Variants in ROBO1 observed in about 807,000 individuals in gnomAD.
The protein encoded by ROBO1 is roundabout homolog 1.
ROBO1 carries 149 observed loss-of-function variants against 195.9 expected under a neutral mutation model. That is an observed-to-expected ratio of 0.76 (90% confidence interval 0.67 to 0.87). The LOEUF is 0.87. Ranked by LOEUF, ROBO1 falls within the 40% of genes least tolerant of loss-of-function variation. ROBO1 has a pLI of 0.00. For synonymous variants in ROBO1, 816 were observed against 733.2 expected (o/e 1.11, Z -1.82); for missense variants, 1,933 against 2,068.3 (o/e 0.93, Z 1.27).
rs540329633 is a variant in ROBO1 at position 79,135,361 on chromosome 3, G to A, written c.89-9822C>T. On this transcript the variant is annotated intron_variant, in intron 2 of 30. Coordinates refer to ENST00000464233, the MANE Select transcript of ROBO1 (RefSeq NM_002941.4). ...GTAATCAAACTTACTATCACCAATA[G>A]CAGGCAACTAAGAGTGAGAAGTCCA... Among the ~76,000 whole-genome samples, 40 of 152,140 alleles carry A rather than the reference G, an allele frequency of 2.6e-4. No homozygotes were observed. The South Asian group carries it at 8.1e-3, about 31-fold the overall frequency.
intron 3 of ROBO1, among the ~76,000 whole-genome samples, chr3:78,944,720 C>T (rs1385356491): frequency 6.6e-6 from 1 of 152,220 alleles, no homozygotes. Flanking sequence ...GAGGCATTGC[C>T]TAACCCAGGA....
intron 2 of ROBO1, among the ~76,000 whole-genome samples, chr3:79,522,234 A>C (rs1288210152): frequency 6.6e-6 from 1 of 152,170 alleles, no homozygotes; most frequent in Non-Finnish European, 1.5e-5. Flanking sequence ...ATTGCCTTCA[A>C]GACCCTTTGC....
At chr3:78,991,581 C>T (rs1388443500) in intron 3 of ROBO1, among the ~76,000 whole-genome samples, 1 of 152,214 alleles carries the variant, frequency 6.6e-6, no homozygotes, top group Non-Finnish European at 1.5e-5. Context: ...TGGTATAATG[C>T]TCACTATTTG....
chr3:79,512,977 C>G (rs1940782977), intron 2 of ROBO1: 1 of 152,130 alleles, frequency 6.6e-6, no homozygotes, highest in African/African-American at 2.4e-5. Context: ...CACAATGAAT[C>G]AATCCTAACC....
At chr3:78,745,341 CTTATA>C (rs2082632436) in intron 5 of ROBO1, among the ~76,000 whole-genome samples, 1 of 147,786 alleles carries the variant, frequency 6.8e-6, no homozygotes, top group Admixed American at 6.7e-5. Flanking sequence ...TTGTCACTAA[CTTATA>C]TTAAACATGA....
At chr3:79,599,958 T>C (rs748055624) in intron 1 of ROBO1, among the ~76,000 whole-genome samples, 7 of 152,136 alleles carry the variant, frequency 4.6e-5, no homozygotes, top group Non-Finnish European at 8.8e-5. Context: ...GCATTTTTTT[T>C]CAAAATGAAT....
intron 1 of ROBO1, among the ~76,000 whole-genome samples, chr3:79,645,781 C>T (rs572745693): frequency 7.9e-5 from 12 of 152,094 alleles, no homozygotes; most frequent in South Asian, 2.1e-4. Context: ...GACAGACAGA[C>T]CAAGAAAACA....
chr3:79,549,778 G>C (rs1330661402), intron 2 of ROBO1, among the ~76,000 whole-genome samples: 1 of 151,900 alleles, frequency 6.6e-6, no homozygotes, highest in Non-Finnish European at 1.5e-5. Context: ...TGCAGAAAAA[G>C]AGGGTAGCCC....
At chr3:79,135,286 A>G (rs1003455995) in intron 2 of ROBO1, among the ~76,000 whole-genome samples, 7 of 152,200 alleles carry the variant, frequency 4.6e-5, no homozygotes, top group Non-Finnish European at 1.0e-4. Flanking sequence ...CTTGGAAGTA[A>G]AAAATACACT....
At chr3:79,007,192 T>C (rs1481937281) in intron 3 of ROBO1, among the ~76,000 whole-genome samples, 1 of 152,194 alleles carries the variant, frequency 6.6e-6, no homozygotes, top group African/African-American at 2.4e-5. Context: ...AATAACTCTC[T>C]TCAAATACTG....
chr3:79,007,755 T>C (rs562994871), intron 3 of ROBO1, among the ~76,000 whole-genome samples: 1 of 152,332 alleles, frequency 6.6e-6, no homozygotes, highest in East Asian at 1.9e-4. Flanking sequence ...CATTATTTTT[T>C]ATGGTCTAAA....
At chr3:79,694,046 T>G (rs146768329) in intron 1 of ROBO1, among the ~76,000 whole-genome samples, 2 of 151,792 alleles carry the variant, frequency 1.3e-5, no homozygotes, top group Admixed American at 1.3e-4. Context: ...GGCCTAATAC[T>G]GGATTCTGAA....
intron 1 of ROBO1, among the ~76,000 whole-genome samples, chr3:79,608,811 T>C (rs1036180915): frequency 1.3e-5 from 2 of 151,978 alleles, no homozygotes; most frequent in Admixed American, 6.6e-5. Context: ...GTGATAGATT[T>C]TGCTGTGGTT....
At chr3:79,244,572 T>C (rs1265597301) in intron 2 of ROBO1, among the ~76,000 whole-genome samples, 1 of 152,142 alleles carries the variant, frequency 6.6e-6, no homozygotes, top group African/African-American at 2.4e-5. Context: ...AATGTGTTTT[T>C]GATAAGAAAT....
chr3:79,615,752 A>G (rs961940851), intron 1 of ROBO1, among the ~76,000 whole-genome samples: 3 of 152,196 alleles, frequency 2.0e-5, no homozygotes, highest in Non-Finnish European at 2.9e-5. Context: ...AGACTCATAC[A>G]TATATAATCA....
At chr3:79,109,427 A>G (rs1322890039) in intron 3 of ROBO1, among the ~76,000 whole-genome samples, 1 of 152,022 alleles carries the variant, frequency 6.6e-6, no homozygotes, top group Non-Finnish European at 1.5e-5. Flanking sequence ...CATACCACAT[A>G]AATGAAGCAT....
intron 4 of ROBO1, among the ~76,000 whole-genome samples, chr3:78,930,218 G>A (rs2039436058): frequency 6.6e-6 from 1 of 152,170 alleles, no homozygotes; most frequent in Non-Finnish European, 1.5e-5. Context: ...GCACTATGAT[G>A]CTTATGATGT....
chr3:79,632,376 T>C (rs1945371198), intron 1 of ROBO1, among the ~76,000 whole-genome samples: 1 of 151,998 alleles, frequency 6.6e-6, no homozygotes, highest in Non-Finnish European at 1.5e-5. Flanking sequence ...ATAACTCAAG[T>C]AGTAAATCAA....
At chr3:79,161,611 TTGA>T (rs1388237214) in intron 2 of ROBO1, among the ~76,000 whole-genome samples, 1 of 152,126 alleles carries the variant, frequency 6.6e-6, no homozygotes, top group Non-Finnish European at 1.5e-5. Flanking sequence ...ATAGAAAAAG[TTGA>T]TTATTGTTGC....
Sources: gnomAD v4.1 joint callset for allele counts (sites outside exome capture counted in the v4.1 genomes callset) on GRCh38, gnomAD v4.1.1 for gene constraint, MANE v1.5 for transcripts, NCBI Gene and HGNC (gene_info 2026-07-23, HGNC 2026-07-21) for gene names.